The following TXLNG variants were observed in gnomAD, a reference collection of about 807,000 sequenced individuals.
The protein encoded by TXLNG is taxilin gamma.
A neutral mutation model predicts 38.8 loss-of-function variants in TXLNG; 5 were observed. The observed-to-expected ratio is 0.13, with a 90% CI of 0.07 to 0.27. TXLNG has a LOEUF of 0.27. Ranked by LOEUF, TXLNG falls within the 10% of genes least tolerant of loss-of-function variation. The pLI is 1.00. For synonymous variants in TXLNG, 182 were observed against 158.2 expected (o/e 1.15, Z -1.13); for missense variants, 393 against 398.2 (o/e 0.99, Z 0.11).
intron 5 of TXLNG, among the ~76,000 whole-genome samples, chrX:16,831,091 A>G (rs1482649136): frequency 9.0e-6 from 1 of 111,693 alleles, no homozygotes; most frequent in East Asian, 2.8e-4. Context: ...GTATAGCTCA[A>G]AAAAGTAAGG....
intron 9 of TXLNG, 54 bp downstream of exon 9, chrX:16,839,970 G>C: frequency 1.1e-6 from 1 of 941,283 alleles, no homozygotes; most frequent in South Asian, 2.7e-5. Context: ...GACTCCTTGA[G>C]TTCAGGTACC....
In TXLNG at chrX:16,844,083, G is replaced by GATGTGTA. The variant is rs1929990230; in HGVS notation, c.*2318_*2324dup. The stretch of plus-strand genomic sequence containing the variant: ...AATTGTTGCACCATCATGGAATCGT[G>GATGTGTA]ATGTGTATTATTTATATTGGCGGTG... On this transcript the variant is annotated 3_prime_UTR_variant, in exon 10 of 10. Transcript: ENST00000380122. 9.0e-6 allele frequency: 1 copy of GATGTGTA among 111,080 alleles called. No homozygotes were observed. Among genetic ancestry groups the GATGTGTA allele is most frequent in the Non-Finnish European group, 1.9e-5 (1 of 53,235 alleles). 9.2% of individuals were successfully genotyped at this position (111,080 alleles called of 1,213,427 possible).
chrX:16,840,309 C>T (rs747529404), intron 9 of TXLNG: 3 of 274,137 alleles, frequency 1.1e-5, no homozygotes, highest in South Asian at 1.8e-4. Context: ...TTCTTGGGGG[C>T]GGAGGCAGAT....
chrX:16,828,937 T>G (rs1304002120), intron 4 of TXLNG, among the ~76,000 whole-genome samples: 3 of 111,371 alleles, frequency 2.7e-5, no homozygotes, highest in Non-Finnish European at 5.7e-5. Flanking sequence ...AGACTATAAG[T>G]GCACTCTTGA....
rs150316156 is a variant in TXLNG at position 16,811,934 on chromosome X, C to A, written c.103-6640C>A. The stretch of plus-strand genomic sequence containing the variant: ...GAATTACAGACGTGAGTCACCGCAC[C>A]CGACCCTGAGTCTTTATATTGTCTT... On this transcript the variant is annotated intron_variant, in intron 1 of 9. Transcript: ENST00000380122. Among the ~76,000 whole-genome samples the A allele has an allele frequency of 2.6e-4, 29 of 110,870 alleles. No individual in the cohort carries two copies. In the East Asian group the frequency reaches 7.7e-3, roughly 29 times the overall value.
Position 16,786,524 on chromosome X carries a change from G to A in TXLNG, c.37G>A (p.Gly13Ser). Reference sequence around the variant, plus strand: ...GGTAGAGGAGGCAGCGCGGGGAAGAGGCGGCGGCGCCGAAGAGGCGACTGA... The same window carrying A: ...GGTAGAGGAGGCAGCGCGGGGAAGAAGCGGCGGCGCCGAAGAGGCGACTGA... ...TRVEEAARGR[G>S]GGAEEATEAG... The change falls in exon 1 of 10, where the codon GGC becomes AGC. Residue 13 changes from glycine to serine, a missense_variant. Coordinates refer to ENST00000380122, the MANE Select transcript of TXLNG (RefSeq NM_018360.3). 1 of 1,108,045 alleles carries A rather than the reference G, an allele frequency of 9.0e-7. No individual in the cohort carries two copies. The highest frequency in any genetic ancestry group is 1.2e-6 in the Non-Finnish European group (1 of 847,790). 91.3% of individuals were successfully genotyped at this position (1,108,045 alleles called of 1,213,427 possible). A position where few individuals can be genotyped will look rare whatever the true frequency, so the allele number is the denominator to read the frequency against.
At chrX:16,838,384 G>A (rs1466066841) in intron 8 of TXLNG, among the ~76,000 whole-genome samples, 2 of 112,024 alleles carry the variant, frequency 1.8e-5, no homozygotes, top group Non-Finnish European at 3.8e-5. Context: ...TTAGCATTCA[G>A]TAGATGTTAG....
chrX:16,810,882 T>C (rs1348087634), intron 1 of TXLNG, among the ~76,000 whole-genome samples: 1 of 111,556 alleles, frequency 9.0e-6, no homozygotes, highest in Non-Finnish European at 1.9e-5. Flanking sequence ...TGATTTGCCA[T>C]GTTGGCCAGG....
chrX:16,803,240 C>G (rs979944316), intron 1 of TXLNG: 1 of 112,104 alleles, frequency 8.9e-6, no homozygotes, highest in East Asian at 2.8e-4. Flanking sequence ...TAAGAACTCT[C>G]CATAACCATT....
intron 1 of TXLNG, among the ~76,000 whole-genome samples, chrX:16,804,668 C>T (rs1407566118): frequency 1.8e-5 from 2 of 110,380 alleles, no homozygotes; most frequent in East Asian, 5.6e-4. Flanking sequence ...GTTCACAAAC[C>T]CTTGAAAACT....
At chrX:16,804,985 CTTTTT>C (rs35314233) in intron 1 of TXLNG, among the ~76,000 whole-genome samples, 1 of 2,133 alleles carries the variant, frequency 4.7e-4, no homozygotes, top group Non-Finnish European at 7.8e-4. Flanking sequence ...CCCCCCCCCG[CTTTTT>C]TTTTTTTTTT....
At chrX:16,816,966 A>T (rs1602380418) in intron 1 of TXLNG, among the ~76,000 whole-genome samples, 2 of 111,595 alleles carry the variant, frequency 1.8e-5, no homozygotes, top group Non-Finnish European at 3.8e-5. Flanking sequence ...AGGAGGCCCC[A>T]CCCCCAATGG....
At chrX:16,840,350 T>C (rs1276248059) in intron 9 of TXLNG, 8 of 532,970 alleles carry the variant, frequency 1.5e-5, no homozygotes, top group Non-Finnish European at 1.8e-5. Context: ...ATGCAGGTGA[T>C]GCTGATGCAG....
chrX:16,823,451 T>C (rs1389120329), intron 3 of TXLNG, among the ~76,000 whole-genome samples: 3 of 58,495 alleles, frequency 5.1e-5, no homozygotes, highest in Non-Finnish European at 8.6e-5. Context: ...AGAGTGAAAC[T>C]CTGTCTCAAA....
chrX:16,811,795 C>T (rs1215557083), intron 1 of TXLNG, among the ~76,000 whole-genome samples: 2 of 107,843 alleles, frequency 1.9e-5, no homozygotes, highest in Non-Finnish European at 3.8e-5. Flanking sequence ...CGCACCACCA[C>T]ACCCAGCTAA....
intron 3 of TXLNG, among the ~76,000 whole-genome samples, chrX:16,825,657 T>G (rs1929140682): frequency 8.9e-6 from 1 of 112,258 alleles, no homozygotes; most frequent in African/African-American, 3.2e-5. Context: ...CTTTGTGTGG[T>G]ATGTTTGTGT....
At chrX:16,819,870 C>A (rs890366394) in intron 2 of TXLNG, among the ~76,000 whole-genome samples, 2 of 111,401 alleles carry the variant, frequency 1.8e-5, no homozygotes, top group Non-Finnish European at 3.8e-5. Context: ...TTAACTTGGA[C>A]ATCAGTGATT....
At chrX:16,835,266 G>C (rs1006846463) in intron 7 of TXLNG, among the ~76,000 whole-genome samples, 1 of 111,364 alleles carries the variant, frequency 9.0e-6, no homozygotes, top group Non-Finnish European at 1.9e-5. Context: ...ATAACACTGA[G>C]ACCTTGAGAC....
At chrX:16,825,747 C>A (rs765033114) in intron 3 of TXLNG, among the ~76,000 whole-genome samples, 10 of 112,082 alleles carry the variant, frequency 8.9e-5, no homozygotes, top group Non-Finnish European at 1.5e-4. Context: ...ACACTGCCCA[C>A]AAGAATGGTT....
Sources: gnomAD v4.1 joint callset for allele counts (sites outside exome capture counted in the v4.1 genomes callset) on GRCh38, gnomAD v4.1.1 for gene constraint, MANE v1.5 for transcripts, NCBI Gene and HGNC (gene_info 2026-07-23, HGNC 2026-07-21) for gene names.